HRH2: variants seen among roughly 807,000 people sequenced by gnomAD.
The protein encoded by HRH2 is histamine H2 receptor.
HRH2 carries 4 observed loss-of-function variants against 20.1 expected under a neutral mutation model. The ratio of observed to expected loss-of-function variants is 0.20; its 90% CI spans 0.10 to 0.45. HRH2 has a LOEUF of 0.45. HRH2 is among the 20% of genes least tolerant of loss of function. HRH2 has a pLI of 0.99. For missense variants in HRH2, 250 were observed against 461.6 expected, an observed-to-expected ratio of 0.54 and a Z score of 4.20; for synonymous variants, 197 against 200.7, an observed-to-expected ratio of 0.98 and a Z score of 0.16.
chr5:175,658,385 A>G (rs1762629318), intron 1 of HRH2, among the ~76,000 whole-genome samples: 1 of 152,072 alleles, frequency 6.6e-6, no homozygotes, highest in African/African-American at 2.4e-5. Flanking sequence ...CTTGTCTGTG[A>G]CCGCGGGGGT....
Position 175,681,302 on chromosome 5 carries a change from C to T in HRH2, c.-525-1407C>T, listed in dbSNP as rs953306269. Among the ~76,000 whole-genome samples, 1 of 152,156 alleles carries T rather than the reference C, an allele frequency of 6.6e-6. No homozygotes were observed. Among genetic ancestry groups the T allele is most frequent in the Non-Finnish European group, 1.5e-5 (1 of 68,020 alleles). On this transcript the variant is annotated intron_variant, in intron 1 of 2. Transcript: ENST00000636584. The surrounding 1 kb of genome is among the most constrained non-coding windows in gnomAD (Gnocchi z 4.3). Reference sequence around the variant, plus strand: ...GTGATCGGGAACCCTGATCCCTGCACGAACACAATCGTTGTGATTAAATGA... The same window carrying T: ...GTGATCGGGAACCCTGATCCCTGCATGAACACAATCGTTGTGATTAAATGA...
intron 2 of HRH2, among the ~76,000 whole-genome samples, chr5:175,700,770 C>T (rs1470944875): frequency 1.3e-5 from 2 of 152,148 alleles, no homozygotes; most frequent in African/African-American, 2.4e-5. Flanking sequence ...CACCTGTAAT[C>T]CCAGCTACTC....
In HRH2 at chr5:175,676,581, T is replaced by C. The variant is rs527889500; in HGVS notation, c.-525-6128T>C. On this transcript the variant is annotated intron_variant, in intron 1 of 2. Transcript: ENST00000636584. ...CTAGCACATAATGGGCCGTCAGCAG[T>C]TTTTTCCAGGTTTTTTAAAATTTGT... 4.6e-5 allele frequency among the ~76,000 whole-genome samples: 7 copies of C among 152,322 alleles called. No individual in the cohort carries two copies. In the East Asian group the frequency reaches 1.4e-3, roughly 29 times the overall value.
In HRH2 at chr5:175,662,118, G is replaced by A. The variant is rs60788223; in HGVS notation, c.-526+3963G>A. ...AGTGGTGTGTAAGCAGGGTCCTCAG[G>A]GCTTTGATAGGGGGTGTTTAGGAAA... On this transcript the variant is annotated intron_variant, in intron 1 of 2. Transcript: ENST00000636584. 3.4e-3 allele frequency among the ~76,000 whole-genome samples: 511 copies of A among 152,242 alleles called. 4 individuals are homozygous for A. The highest frequency in any genetic ancestry group is 0.011 in the African/African-American group (472 of 41,542).
intron 1 of HRH2, among the ~76,000 whole-genome samples, chr5:175,658,738 C>T (rs1172240914): frequency 6.6e-6 from 1 of 151,256 alleles, no homozygotes; most frequent in Non-Finnish European, 1.5e-5. Context: ...GGAGCCACAA[C>T]AGGCAGCGCT....
At position 175,683,782 on chromosome 5, in the gene HRH2, G is replaced by A. The variant is rs1414010240; in HGVS notation, c.549G>A (p.Gly183=). The part of the protein sequence containing the change: ...KCKVQVNEVY[G]LVDGLVTFYL... ...AAGTCCAGGTCAATGAAGTGTACGGGCTGGTGGATGGGCTGGTCACCTTCT... is the reference window on the plus strand; with the variant it reads ...AAGTCCAGGTCAATGAAGTGTACGGACTGGTGGATGGGCTGGTCACCTTCT... Residue 183 remains glycine, a synonymous_variant, in exon 2 of 3, where the codon GGG becomes GGA. Coordinates refer to ENST00000636584, the MANE Select transcript of HRH2 (RefSeq NM_001367711.1). 1.2e-6 allele frequency: 2 copies of A among 1,614,160 alleles called. No homozygotes were observed. The highest frequency in any genetic ancestry group is 2.2e-5 in the East Asian group (1 of 44,882).
intron 2 of HRH2, among the ~76,000 whole-genome samples, chr5:175,695,989 C>T (rs1005156777): frequency 2.6e-5 from 4 of 152,402 alleles, no homozygotes; most frequent in Admixed American, 2.6e-4. Flanking sequence ...ATTCCCAGCT[C>T]TGCCAGGCAC....
chr5:175,675,707 G>A (rs977716348), intron 1 of HRH2, among the ~76,000 whole-genome samples: 4 of 152,182 alleles, frequency 2.6e-5, no homozygotes, highest in Non-Finnish European at 4.4e-5. Context: ...TCACTCCTAA[G>A]CATGAGCTAG....
intron 1 of HRH2, among the ~76,000 whole-genome samples, chr5:175,666,052 C>T (rs1762879415): frequency 6.6e-6 from 1 of 152,306 alleles, no homozygotes; most frequent in East Asian, 1.9e-4. Flanking sequence ...ATAGTGGCCA[C>T]AGCTGTGTAG....
At chr5:175,670,087 C>T (rs1001626394) in intron 1 of HRH2, among the ~76,000 whole-genome samples, 15 of 152,190 alleles carry the variant, frequency 9.9e-5, no homozygotes, top group African/African-American at 3.6e-4. Context: ...TGTGTCTGGT[C>T]AGGCTTCTAG....
intron 1 of HRH2, among the ~76,000 whole-genome samples, chr5:175,661,040 T>G (rs1450517598): frequency 3.3e-5 from 1 of 30,356 alleles, no homozygotes; most frequent in Admixed American, 4.3e-4. Flanking sequence ...CCACCCACCC[T>G]CTGCTGGTCC....
Position 175,708,161 on chromosome 5 carries a change from C to G in HRH2, c.*190C>G. On this transcript the variant is annotated 3_prime_UTR_variant, in exon 3 of 3. Transcript: ENST00000636584. ...CAGCCTATTCTGTGCTCAGCATTCC[C>G]AGACAGGCACGCAAGACTCCTCTGG... The G allele has an allele frequency of 2.6e-6, 1 of 390,962 alleles. No individual in the cohort carries two copies. Among genetic ancestry groups the G allele is most frequent in the Non-Finnish European group, 4.5e-6 (1 of 221,680 alleles). 24.2% of individuals were successfully genotyped at this position (390,962 alleles called of 1,614,324 possible).
intron 1 of HRH2, among the ~76,000 whole-genome samples, chr5:175,675,251 C>A (rs1441297754): frequency 6.6e-6 from 1 of 152,162 alleles, no homozygotes; most frequent in African/African-American, 2.4e-5. Context: ...GTAGTAGTAT[C>A]ATTCTCATGG....
intron 2 of HRH2, among the ~76,000 whole-genome samples, chr5:175,705,251 A>G (rs867631400): frequency 6.6e-6 from 1 of 152,228 alleles, no homozygotes; most frequent in Non-Finnish European, 1.5e-5. Flanking sequence ...CAAACAGGAA[A>G]AAATAAGATA....
rs990820705 is a variant in HRH2 at position 175,708,732 on chromosome 5, A to C, written c.*761A>C. ...CACCACCTCTCAGGAGAGAAGGCAAATATTTCCTTGACTCAGCCACCTTCC... is the reference window on the plus strand; with the variant it reads ...CACCACCTCTCAGGAGAGAAGGCAACTATTTCCTTGACTCAGCCACCTTCC... On this transcript the variant is annotated 3_prime_UTR_variant, in exon 3 of 3. Coordinates refer to ENST00000636584, the MANE Select transcript of HRH2 (RefSeq NM_001367711.1). The C allele has an allele frequency of 6.6e-6, 1 of 152,188 alleles. No homozygotes were observed. The highest frequency in any genetic ancestry group is 1.5e-5 in the Non-Finnish European group (1 of 68,080). 9.4% of individuals were successfully genotyped at this position (152,188 alleles called of 1,614,324 possible).
At position 175,677,923 on chromosome 5, in the gene HRH2, G is replaced by A. The variant is rs1290886034; in HGVS notation, c.-525-4786G>A. 6.6e-6 allele frequency among the ~76,000 whole-genome samples: 1 copy of A among 152,148 alleles called. No homozygotes were observed. Among genetic ancestry groups the A allele is most frequent in the African/African-American group, 2.4e-5 (1 of 41,426 alleles). ...CTGCCGGAGGCGTCTCAGGGTTCTT[G>A]GGCTACAACCCACCATCTTTCTCCT... On this transcript the variant is annotated intron_variant, in intron 1 of 2. Coordinates refer to ENST00000636584, the MANE Select transcript of HRH2 (RefSeq NM_001367711.1). This position sits in a 1 kb window ranked among gnomAD's most constrained non-coding sequence, Gnocchi z 4.2.
chr5:175,684,356 G>C, intron 2 of HRH2, 47 bp downstream of exon 2: 1 of 1,580,864 alleles, frequency 6.3e-7, no homozygotes, highest in Non-Finnish European at 8.6e-7. Flanking sequence ...AATGGGAGGG[G>C]ATGCTACTGA....
chr5:175,685,596 C>G, intron 2 of HRH2: 1 of 857,428 alleles, frequency 1.2e-6, no homozygotes. Flanking sequence ...ATCAATGGCA[C>G]AGCCCTGGTC....
chr5:175,695,690 C>T (rs1004679528), intron 2 of HRH2, among the ~76,000 whole-genome samples: 6 of 152,192 alleles, frequency 3.9e-5, no homozygotes, highest in African/African-American at 1.4e-4. Flanking sequence ...ATTAGTTCCT[C>T]GAACCCACAT....
Sources: allele counts gnomAD v4.1 joint callset (sites outside exome capture counted in the v4.1 genomes callset), GRCh38; gene constraint gnomAD v4.1.1; non-coding constraint Gnocchi (gnomAD v3.1); transcripts MANE v1.5; gene names NCBI Gene and HGNC (gene_info 2026-07-23, HGNC 2026-07-21).